Variants in VOPP1 observed in about 807,000 individuals in gnomAD.
VOPP1 encodes the protein VOPP1 WW domain binding protein.
Under a neutral mutation model 23.5 loss-of-function variants are expected in VOPP1, and 8 were observed. The observed-to-expected ratio is 0.34, with a 90% CI of 0.20 to 0.61. The LOEUF is 0.61. Ranked by LOEUF, VOPP1 falls within the 20% of genes least tolerant of loss-of-function variation. The pLI is 0.78. For missense variants in VOPP1, 174 were observed against 238.1 expected (o/e 0.73, Z 1.77); for synonymous variants, 83 against 97.3 (o/e 0.85, Z 0.86).
At chr7:55,456,525 AT>A (rs1381499304) in intron 4 of VOPP1, among the ~76,000 whole-genome samples, 2 of 152,244 alleles carry the variant, frequency 1.3e-5, no homozygotes, top group Non-Finnish European at 2.9e-5. Flanking sequence ...ACTGTTCACA[AT>A]GGCAAAGACT....
At chr7:55,556,814 AC>A (rs1797825697) in intron 1 of VOPP1, among the ~76,000 whole-genome samples, 1 of 152,078 alleles carries the variant, frequency 6.6e-6, no homozygotes, top group African/African-American at 2.4e-5. Flanking sequence ...TGAATTAATG[AC>A]CCTTGTTGTA....
At chr7:55,531,286 G>A (rs1796481726) in intron 1 of VOPP1, among the ~76,000 whole-genome samples, 1 of 151,742 alleles carries the variant, frequency 6.6e-6, no homozygotes, top group African/African-American at 2.4e-5. Flanking sequence ...TATCAGCTCA[G>A]TTCCAACAAA....
intron 1 of VOPP1, among the ~76,000 whole-genome samples, chr7:55,564,359 C>T (rs1041332772): frequency 4.0e-5 from 6 of 151,896 alleles, no homozygotes; most frequent in Admixed American, 3.3e-4. Context: ...CATGTTTTGG[C>T]CCTTGATGAC....
chr7:55,484,080 G>C (rs1248991386), intron 4 of VOPP1, among the ~76,000 whole-genome samples: 2 of 152,230 alleles, frequency 1.3e-5, no homozygotes, highest in Admixed American at 6.5e-5. Context: ...TTACAGAGGA[G>C]TGTTAACACA....
chr7:55,541,958 A>C (rs1026490580), intron 1 of VOPP1, among the ~76,000 whole-genome samples: 1 of 152,236 alleles, frequency 6.6e-6, no homozygotes, highest in African/African-American at 2.4e-5. Context: ...TTCTTCTAGG[A>C]GGAACAAAAT....
chr7:55,449,938 T>A (rs1224931900), intron 4 of VOPP1, among the ~76,000 whole-genome samples: 7 of 152,064 alleles, frequency 4.6e-5, no homozygotes, highest in African/African-American at 1.7e-4. Flanking sequence ...GAAACAAACA[T>A]GTCACCCTTG....
intron 1 of VOPP1, among the ~76,000 whole-genome samples, chr7:55,526,375 G>A (rs1475038341): frequency 6.6e-6 from 1 of 152,160 alleles, no homozygotes; most frequent in Admixed American, 6.5e-5. Flanking sequence ...AAGCCCCAGA[G>A]AATAAACCCT....
rs1793614903 is a variant in VOPP1, at chr7:55,492,140, A to G, written c.328+142T>C. Reference sequence around the variant, plus strand: ...TGTTATCTGCACAAATGCACAATGGAGCTGGTCATCAGAACTAAAAAAATG... The same window carrying G: ...TGTTATCTGCACAAATGCACAATGGGGCTGGTCATCAGAACTAAAAAAATG... On this transcript the variant is annotated intron_variant, in intron 4 of 4. Coordinates refer to ENST00000285279, the MANE Select transcript of VOPP1 (RefSeq NM_030796.5). 11 of 1,193,100 alleles carry G rather than the reference A, an allele frequency of 9.2e-6. No homozygotes were observed. In the South Asian group the frequency reaches 1.9e-4, roughly 21 times the overall value. 73.9% of individuals were successfully genotyped at this position (1,193,100 alleles called of 1,614,324 possible).
At chr7:55,445,991 C>CTTTT (rs3066310) in intron 4 of VOPP1, among the ~76,000 whole-genome samples, 7 of 128,298 alleles carry the variant, frequency 5.5e-5, no homozygotes, top group Non-Finnish European at 9.7e-5. Context: ...CCAGGTGAAA[C>CTTTT]TTTTTTTTTT....
In VOPP1 at chr7:55,561,897, G is replaced by A. The variant is rs1374904561; in HGVS notation, c.54+10374C>T. 13 of 700,872 alleles carry A rather than the reference G, an allele frequency of 1.9e-5. 1 individual carries two copies. Among genetic ancestry groups the A allele is most frequent in the Non-Finnish European group, 3.4e-5 (13 of 384,234 alleles). 43.4% of individuals were successfully genotyped at this position (700,872 alleles called of 1,614,324 possible). On this transcript the variant is annotated intron_variant, in intron 1 of 4. Transcript: ENST00000285279. ...TAGCCTTCCATGACACCACCTGAGG[G>A]TCTTCAAGTATGGTGGGAGTTGAAA...
intron 1 of VOPP1, among the ~76,000 whole-genome samples, chr7:55,552,192 G>C (rs1584108030): frequency 6.6e-6 from 1 of 152,286 alleles, no homozygotes; most frequent in East Asian, 1.9e-4. Flanking sequence ...TGCACTGCAT[G>C]GGCAAGGCAG....
intron 4 of VOPP1, among the ~76,000 whole-genome samples, chr7:55,477,561 C>G (rs1362984227): frequency 6.6e-6 from 1 of 152,176 alleles, no homozygotes; most frequent in Non-Finnish European, 1.5e-5. Context: ...GGAGTGTGGT[C>G]TTTGTAGAAG....
At chr7:55,567,737 C>T (rs1019462210) in intron 1 of VOPP1, among the ~76,000 whole-genome samples, 3 of 152,228 alleles carry the variant, frequency 2.0e-5, no homozygotes, top group Non-Finnish European at 4.4e-5. Context: ...CCCATGACCA[C>T]CTGGCCTCCC....
intron 2 of VOPP1, 125 bp downstream of exon 2, chr7:55,520,947 T>G: frequency 1.0e-5 from 10 of 985,658 alleles, no homozygotes; most frequent in Non-Finnish European, 1.5e-5. Context: ...GAGGCAAGCC[T>G]GGCACCGCAG....
chr7:55,435,369 C>T (rs1250496005), downstream of VOPP1, among the ~76,000 whole-genome samples: 2 of 152,142 alleles, frequency 1.3e-5, no homozygotes, highest in Non-Finnish European at 1.5e-5. Context: ...CTGTGGGAGG[C>T]GGACATGGCA....
intron 4 of VOPP1, among the ~76,000 whole-genome samples, chr7:55,473,778 A>T (rs939957511): frequency 2.6e-5 from 4 of 152,234 alleles, no homozygotes; most frequent in Non-Finnish European, 5.9e-5. Flanking sequence ...CAAAACCGTG[A>T]AAGTGCTGGG....
At chr7:55,539,306 T>C (rs1463112180) in intron 1 of VOPP1, among the ~76,000 whole-genome samples, 3 of 152,064 alleles carry the variant, frequency 2.0e-5, no homozygotes, top group Non-Finnish European at 2.9e-5. Flanking sequence ...GATCACACCA[T>C]TGCACTCCAG....
rs1467098174 is a variant in VOPP1, at chr7:55,508,584, C to T, written c.114-10894G>A. Among the ~76,000 whole-genome samples the T allele has an allele frequency of 5.3e-5, 8 of 152,154 alleles. No homozygotes were observed. The South Asian group carries it at 1.7e-3, about 32-fold the overall frequency. ...CTGGCCCAGAGTTTTTGAAACTCCACCTTTGTGTTTCTGGGGTAGAGGTTT... is the reference window on the plus strand; with the variant it reads ...CTGGCCCAGAGTTTTTGAAACTCCATCTTTGTGTTTCTGGGGTAGAGGTTT... On this transcript the variant is annotated intron_variant, in intron 2 of 4. Transcript: ENST00000285279.
At chr7:55,459,071 GA>G (rs1473023569) in intron 4 of VOPP1, among the ~76,000 whole-genome samples, 1 of 134,602 alleles carries the variant, frequency 7.4e-6, no homozygotes, top group African/African-American at 2.6e-5. Context: ...AATTTGTTGA[GA>G]GTTTTTTTTT....
Sources: allele counts gnomAD v4.1 joint callset (sites outside exome capture counted in the v4.1 genomes callset), GRCh38; gene constraint gnomAD v4.1.1; transcripts MANE v1.5; gene names NCBI Gene and HGNC (gene_info 2026-07-23, HGNC 2026-07-21).